Variants in KIAA1549L observed in about 807,000 individuals in gnomAD.
The protein encoded by KIAA1549L is KIAA1549 like.
KIAA1549L carries 88 observed loss-of-function variants against 160.7 expected under a neutral mutation model. That is an observed-to-expected ratio of 0.55 (90% CI 0.46 to 0.65). KIAA1549L has a LOEUF of 0.65. KIAA1549L is among the 30% of genes least tolerant of loss of function. The pLI, the probability that KIAA1549L is intolerant of heterozygous loss-of-function variation, is 0.00. For synonymous variants in KIAA1549L, 950 were observed against 976.7 expected (o/e 0.97, Z 0.51); for missense variants, 2,258 against 2,437.5 (o/e 0.93, Z 1.55).
At chr11:33,501,778 T>C (rs1428545051) in intron 1 of KIAA1549L, among the ~76,000 whole-genome samples, 1 of 152,156 alleles carries the variant, frequency 6.6e-6, no homozygotes, top group African/African-American at 2.4e-5. Context: ...TATCTTACCT[T>C]TATTGACTCA....
chr11:33,605,222 G>A (rs577300700), intron 13 of KIAA1549L, among the ~76,000 whole-genome samples: 2 of 152,116 alleles, frequency 1.3e-5, no homozygotes, highest in African/African-American at 2.4e-5. Context: ...GAAGTAACAC[G>A]TTGTCATTTC....
chr11:33,533,416 T>A (rs1376919111), intron 1 of KIAA1549L, among the ~76,000 whole-genome samples: 3 of 152,244 alleles, frequency 2.0e-5, no homozygotes, highest in Non-Finnish European at 4.4e-5. Flanking sequence ...GGCTAAGCAC[T>A]TTCTTAATTC....
chr11:33,610,310 A>G (rs1456807441), intron 15 of KIAA1549L, among the ~76,000 whole-genome samples: 3 of 152,162 alleles, frequency 2.0e-5, no homozygotes, highest in Admixed American at 6.5e-5. Context: ...GTATTGTTCA[A>G]TTGTTTTAGA....
At chr11:33,406,961 G>T (rs567740482) in intron 1 of KIAA1549L, among the ~76,000 whole-genome samples, 1 of 151,708 alleles carries the variant, frequency 6.6e-6, no homozygotes, top group Admixed American at 6.6e-5. Flanking sequence ...AGGCACTTAT[G>T]TTCTAGTTTC....
intron 19 of KIAA1549L, among the ~76,000 whole-genome samples, chr11:33,659,878 G>A (rs948739197): frequency 2.0e-5 from 3 of 152,184 alleles, no homozygotes; most frequent in Non-Finnish European, 4.4e-5. Flanking sequence ...TTCTGACTGC[G>A]AGGGTGAGTG....
At position 33,542,386 on chromosome 11, in the gene KIAA1549L, C is replaced by A; in HGVS notation, c.823C>A (p.Gln275Lys). ...EQSPKVLLVP[Q>K]TAPADPSLGQ... ...ATCCCCCAAAGTGCTGTTAGTTCCC[C>A]AAACAGCTCCAGCCGACCCCTCTTT... Residue 275 changes from glutamine (Q) to lysine (K), a missense_variant, in exon 2 of 21, where the codon CAA (glutamine) becomes AAA (lysine). Gln to Lys is a moderately conservative substitution (Grantham distance 53). Coordinates refer to ENST00000658780, the MANE Select transcript of KIAA1549L (RefSeq NM_012194.3). 1 of 1,319,684 alleles carries A rather than the reference C, an allele frequency of 7.6e-7. No individual in the cohort carries two copies. Among genetic ancestry groups the A allele is most frequent in the Non-Finnish European group, 1.0e-6 (1 of 958,902 alleles). The allele number at this position is 1,319,684 out of a possible 1,614,324, so 81.7% of individuals were successfully genotyped here.
chr11:33,541,646 G>A (rs1390975036), intron 1 of KIAA1549L, among the ~76,000 whole-genome samples, 156 bp from the exon 2 acceptor site: 1 of 152,172 alleles, frequency 6.6e-6, no homozygotes, highest in Non-Finnish European at 1.5e-5. Context: ...TTTCCTACTT[G>A]ATATTATGTA....
Position 33,568,194 on chromosome 11 carries a change from A to G in KIAA1549L, c.4197A>G (p.Lys1399=). The part of the protein sequence containing the change: ...MMSQQQGRRF[K]RATTLGSYTV... ...CCCAGCAACAAGGCCGGCGGTTTAA[A>G]CGGGCCACCACCCTGGGAAGCTACA... Residue 1399 remains lysine (K), a synonymous_variant, in exon 9 of 21, where the codon AAA becomes AAG. Coordinates refer to ENST00000658780, the MANE Select transcript of KIAA1549L (RefSeq NM_012194.3). 6.2e-7 allele frequency: 1 copy of G among 1,612,864 alleles called. No individual in the cohort carries two copies. The highest frequency in any genetic ancestry group is 8.5e-7 in the Non-Finnish European group (1 of 1,179,412).
At chr11:33,488,067 A>T (rs151308429) in intron 1 of KIAA1549L, among the ~76,000 whole-genome samples, 1 of 152,162 alleles carries the variant, frequency 6.6e-6, no homozygotes, top group African/African-American at 2.4e-5. Flanking sequence ...AACATCTCCA[A>T]TTCTCAGCTT....
chr11:33,516,490 G>A lies in KIAA1549L; in HGVS notation c.239-25312G>A, dbSNP rs147907670. On this transcript the variant is annotated intron_variant, in intron 1 of 20. Transcript: ENST00000658780. ...GAGATGTGATCAGCTATATCTGAGCGAGAAATCTGAGCAACCAAATTACCA... is the reference window on the plus strand; with the variant it reads ...GAGATGTGATCAGCTATATCTGAGCAAGAAATCTGAGCAACCAAATTACCA... 1.2e-3 allele frequency among the ~76,000 whole-genome samples: 182 copies of A among 152,316 alleles called. No homozygotes were observed. The South Asian group carries it at 0.025, about 21-fold the overall frequency.
intron 12 of KIAA1549L, 71 bp from the exon 13 acceptor site, chr11:33,598,746 AAAT>A: frequency 6.4e-7 from 1 of 1,550,680 alleles, no homozygotes; most frequent in Non-Finnish European, 8.9e-7. Flanking sequence ...TAAACTGTGC[AAAT>A]AAAATAACCT....
rs536394070 is a variant in KIAA1549L at position 33,647,515 on chromosome 11, G to A, written c.5760+1479G>A. 7.2e-5 allele frequency among the ~76,000 whole-genome samples: 11 copies of A among 152,086 alleles called. No individual in the cohort carries two copies. The South Asian group carries it at 2.3e-3, about 32-fold the overall frequency. ...ATCTTTGTATCACAAAAACCGAGAA[G>A]TTATAAGTTTTTGTGACTTAAATCA... On this transcript the variant is annotated intron_variant, in intron 17 of 20. Coordinates refer to ENST00000658780, the MANE Select transcript of KIAA1549L (RefSeq NM_012194.3).
chr11:33,613,887 C>T (rs1192058965), intron 15 of KIAA1549L, among the ~76,000 whole-genome samples: 1 of 152,188 alleles, frequency 6.6e-6, no homozygotes, highest in Admixed American at 6.5e-5. Flanking sequence ...ACATTATAAA[C>T]TCTTACCCAG....
At chr11:33,580,041 T>A (rs1376135324) in intron 10 of KIAA1549L, among the ~76,000 whole-genome samples, 8 of 152,144 alleles carry the variant, frequency 5.3e-5, no homozygotes, top group Non-Finnish European at 2.9e-5. Flanking sequence ...AATCACTAAT[T>A]CTAGGGCCAA....
At chr11:33,648,743 G>A (rs915553293) in intron 17 of KIAA1549L, among the ~76,000 whole-genome samples, 7 of 151,780 alleles carry the variant, frequency 4.6e-5, no homozygotes, top group Admixed American at 1.3e-4. Context: ...TTTGCTAGCA[G>A]TCATAATGGA....
chr11:33,396,533 C>G (rs923197279), intron 1 of KIAA1549L, among the ~76,000 whole-genome samples: 7 of 152,162 alleles, frequency 4.6e-5, no homozygotes, highest in African/African-American at 1.7e-4. Context: ...TTGACGGGGT[C>G]TGGGATCCTT....
At position 33,574,851 on chromosome 11, in the gene KIAA1549L, C is replaced by T. The variant is rs374432618; in HGVS notation, c.4380C>T (p.His1460=). 22 of 1,613,660 alleles carry T rather than the reference C, an allele frequency of 1.4e-5. No homozygotes were observed. Among genetic ancestry groups the T allele is most frequent in the South Asian group, 8.8e-5 (8 of 91,038 alleles). ...AAAGGATGGCCTTGACCCTTCATCA[C>T]GTTGTCCTTCTGCAAGCTGACCGTA... The part of the protein sequence containing the change: ...DSQRMALTLH[H]VVLLQADPVV... Residue 1460 remains histidine, a synonymous_variant, in exon 10 of 21, where the codon CAC becomes CAT. Transcript: ENST00000658780.
chr11:33,460,127 A>C (rs1851912984), intron 1 of KIAA1549L, among the ~76,000 whole-genome samples: 1 of 152,152 alleles, frequency 6.6e-6, no homozygotes, highest in Admixed American at 6.5e-5. Context: ...ATGAACATTC[A>C]CTGTCCATGG....
rs118037950 is a variant in KIAA1549L, at chr11:33,501,177, C to T, written c.239-40625C>T. ...GAAGCTATTGGAAAGGCCTATTTGCCTACAGAAATTTCCAGGGAGAAAAGA... is the reference window on the plus strand; with the variant it reads ...GAAGCTATTGGAAAGGCCTATTTGCTTACAGAAATTTCCAGGGAGAAAAGA... On this transcript the variant is annotated intron_variant, in intron 1 of 20. Coordinates refer to ENST00000658780, the MANE Select transcript of KIAA1549L (RefSeq NM_012194.3). Among the ~76,000 whole-genome samples the T allele has an allele frequency of 5.8e-3, 882 of 152,280 alleles. 7 individuals carry two copies. The highest frequency in any genetic ancestry group is 7.3e-3 in the Non-Finnish European group (499 of 68,016).
Sources: gnomAD v4.1 joint callset for allele counts (sites outside exome capture counted in the v4.1 genomes callset) on GRCh38, gnomAD v4.1.1 for gene constraint, MANE v1.5 for transcripts, NCBI Gene and HGNC (gene_info 2026-07-23, HGNC 2026-07-21) for gene names.